The following ST18 variants were observed in gnomAD, a reference collection of about 807,000 sequenced individuals.
ST18 encodes the protein suppression of tumorigenicity 18 protein.
In ST18, 50 loss-of-function variants were observed where a neutral mutation model predicts 110.0. The observed-to-expected ratio is 0.45, with a 90% CI of 0.36 to 0.58. The LOEUF (loss-of-function observed/expected upper bound fraction) is 0.58, where lower values mean the gene tolerates loss of function less well. ST18 is among the 20% of genes least tolerant of loss of function. ST18 has a pLI of 0.00. For synonymous variants in ST18, 461 were observed against 452.4 expected (o/e 1.02, Z -0.24); for missense variants, 1,306 against 1,280.1 (o/e 1.02, Z -0.31).
chr8:52,126,180 T>C, intron 22 of ST18, 40 bp from the exon 23 acceptor site: 2 of 1,560,874 alleles, frequency 1.3e-6, no homozygotes, highest in Non-Finnish European at 1.8e-6. Context: ...GAAATGTATA[T>C]GATTTCTTAT....
chr8:52,397,451 A>T (rs1254141496), intron 2 of ST18, among the ~76,000 whole-genome samples: 2 of 152,120 alleles, frequency 1.3e-5, no homozygotes, highest in Non-Finnish European at 2.9e-5. Flanking sequence ...AGCAACTTTC[A>T]GTTTGATCTA....
intron 2 of ST18, chr8:52,405,490 G>A (rs553010250): frequency 7.9e-5 from 12 of 151,954 alleles, no homozygotes; most frequent in Non-Finnish European, 1.6e-4. Flanking sequence ...TCTCTTTTGA[G>A]GATTAAAACT....
chr8:52,196,147 G>A (rs181917499), intron 8 of ST18, among the ~76,000 whole-genome samples: 19 of 152,252 alleles, frequency 1.2e-4, no homozygotes, highest in African/African-American at 4.6e-4. Context: ...AGAGGTTTGG[G>A]GGCAGAGGAT....
intron 3 of ST18, among the ~76,000 whole-genome samples, chr8:52,222,601 G>A (rs2087296039): frequency 6.6e-6 from 1 of 152,130 alleles, no homozygotes; most frequent in Non-Finnish European, 1.5e-5. Context: ...ACATACAAAT[G>A]GGAACGAGGA....
intron 2 of ST18, among the ~76,000 whole-genome samples, chr8:52,365,830 C>T (rs1827687352): frequency 6.6e-6 from 1 of 151,728 alleles, no homozygotes. Context: ...TCCTGAGTAG[C>T]TTGGACTACA....
At chr8:52,142,496 C>T (rs77977097) in intron 17 of ST18, among the ~76,000 whole-genome samples, 6,887 of 152,200 alleles carry the variant, frequency 0.045, 186 homozygotes, top group Middle Eastern at 0.065. Flanking sequence ...CTCATTCACC[C>T]GCTAGTACAT....
chr8:52,359,912 T>C (rs1824935526), intron 2 of ST18, among the ~76,000 whole-genome samples: 1 of 152,320 alleles, frequency 6.6e-6, no homozygotes, highest in East Asian at 1.9e-4. Context: ...GAACTTGGAA[T>C]GTGCCATTTG....
intron 2 of ST18, among the ~76,000 whole-genome samples, chr8:52,323,124 C>T (rs1407663400): frequency 6.6e-6 from 1 of 152,270 alleles, no homozygotes; most frequent in African/African-American, 2.4e-5. Context: ...GAACTCTGTG[C>T]ATGGAGGGAA....
chr8:52,376,078 G>C (rs944558789), intron 2 of ST18, among the ~76,000 whole-genome samples: 4 of 152,038 alleles, frequency 2.6e-5, no homozygotes, highest in African/African-American at 9.7e-5. Flanking sequence ...CTCTCAACTG[G>C]ATAGCAACAG....
chr8:52,157,066 G>T (rs143556625), intron 15 of ST18, among the ~76,000 whole-genome samples: 26 of 152,322 alleles, frequency 1.7e-4, no homozygotes, highest in Admixed American at 3.9e-4. Flanking sequence ...GTCTGGCACA[G>T]AGTGCTCCCG....
intron 17 of ST18, among the ~76,000 whole-genome samples, chr8:52,138,315 G>C (rs1337405447): frequency 6.6e-6 from 1 of 152,132 alleles, no homozygotes; most frequent in African/African-American, 2.4e-5. Context: ...AATTAGCGAA[G>C]ACAATTGCTA....
intron 2 of ST18, among the ~76,000 whole-genome samples, chr8:52,261,226 A>G (rs943734343): frequency 3.9e-5 from 6 of 152,196 alleles, no homozygotes; most frequent in Non-Finnish European, 5.9e-5. Flanking sequence ...GAGTTCACAC[A>G]ATATTTTTCT....
intron 2 of ST18, among the ~76,000 whole-genome samples, chr8:52,371,692 T>A (rs547160111): frequency 6.6e-6 from 1 of 152,196 alleles, no homozygotes; most frequent in Non-Finnish European, 1.5e-5. Flanking sequence ...AATACAATCA[T>A]GCATTCCAGT....
intron 6 of ST18, 150 bp from the exon 7 acceptor site, chr8:52,214,407 A>C: frequency 9.2e-6 from 6 of 654,602 alleles, no homozygotes; most frequent in South Asian, 2.2e-5. Flanking sequence ...CATAACTGTG[A>C]CTCCCCCCAC....
At position 52,172,018 on chromosome 8, in the gene ST18, T is replaced by C. The variant is rs2065139582; in HGVS notation, c.843A>G (p.Glu281=). Reference sequence around the variant, plus strand: ...TCATTACTGCCAGGCTCTCGCTATCTTCCTCCTCAACGTCAGGGAATGAGG... The same window carrying C: ...TCATTACTGCCAGGCTCTCGCTATCCTCCTCCTCAACGTCAGGGAATGAGG... The part of the protein sequence containing the change: ...AQPSFPDVEE[E]DSESLAVMTE... Residue 281 remains glutamate (E), a synonymous_variant, in exon 10 of 26, where the codon GAA becomes GAG. Coordinates refer to ENST00000689386, the MANE Select transcript of ST18 (RefSeq NM_001352837.2). 1 of 1,614,228 alleles carries C rather than the reference T, an allele frequency of 6.2e-7. No individual in the cohort carries two copies. The highest frequency in any genetic ancestry group is 1.1e-5 in the South Asian group (1 of 91,088).
intron 2 of ST18, among the ~76,000 whole-genome samples, chr8:52,270,462 G>A (rs993192105): frequency 5.3e-5 from 8 of 151,930 alleles, no homozygotes; most frequent in African/African-American, 9.7e-5. Context: ...TTCCCTCTTC[G>A]CAAATTTTAA....
intron 2 of ST18, among the ~76,000 whole-genome samples, chr8:52,246,925 A>G (rs2093907434): frequency 1.3e-5 from 2 of 152,202 alleles, no homozygotes; most frequent in Admixed American, 1.3e-4. Context: ...TAGAGAACTT[A>G]TCCAGGGCAC....
rs571290047 is a variant in ST18 at position 52,376,615 on chromosome 8, T to C, written c.-465+32713A>G. Among the ~76,000 whole-genome samples the C allele has an allele frequency of 2.6e-5, 4 of 151,896 alleles. No homozygotes were observed. In the East Asian group the frequency reaches 7.7e-4, roughly 29 times the overall value. On this transcript the variant is annotated intron_variant, in intron 2 of 25. Coordinates refer to ENST00000689386, the MANE Select transcript of ST18 (RefSeq NM_001352837.2). ...ACTTATTTATTACTGCTATTACTGATGGTCTGTCTCCCTGCACTAGAAGCC... is the reference window on the plus strand; with the variant it reads ...ACTTATTTATTACTGCTATTACTGACGGTCTGTCTCCCTGCACTAGAAGCC...
chr8:52,349,522 G>C (rs1590140653), intron 2 of ST18, among the ~76,000 whole-genome samples: 1 of 152,160 alleles, frequency 6.6e-6, no homozygotes, highest in East Asian at 1.9e-4. Flanking sequence ...CATATTATAG[G>C]GTAATGCTTT....
Sources: gnomAD v4.1 joint callset for allele counts (sites outside exome capture counted in the v4.1 genomes callset) on GRCh38, gnomAD v4.1.1 for gene constraint, MANE v1.5 for transcripts, NCBI Gene and HGNC (gene_info 2026-07-23, HGNC 2026-07-21) for gene names.